The following GABRB1 variants were observed in gnomAD, a reference collection of about 807,000 sequenced individuals.
GABRB1 encodes gamma-aminobutyric acid receptor subunit beta-1.
Under a neutral mutation model 51.6 loss-of-function variants are expected in GABRB1, and 17 were observed. The ratio of observed to expected loss-of-function variants is 0.33; its 90% confidence interval spans 0.23 to 0.49. The LOEUF (loss-of-function observed/expected upper bound fraction) is 0.49. Ranked by LOEUF, GABRB1 falls within the 20% of genes least tolerant of loss-of-function variation. The pLI, the probability that GABRB1 is intolerant of heterozygous loss-of-function variation, is 0.99. For missense variants in GABRB1, 410 were observed against 600.6 expected (o/e 0.68, Z 3.32); for synonymous variants, 247 against 218.9 (o/e 1.13, Z -1.14).
intron 3 of GABRB1, among the ~76,000 whole-genome samples, chr4:47,153,212 A>G (rs570352529): frequency 6.6e-6 from 1 of 152,148 alleles, no homozygotes; most frequent in South Asian, 2.1e-4. Flanking sequence ...GCATAATACA[A>G]TCGTTTAAAT....
intron 5 of GABRB1, among the ~76,000 whole-genome samples, chr4:47,349,790 C>T (rs897028952): frequency 4.6e-5 from 7 of 152,168 alleles, no homozygotes; most frequent in Non-Finnish European, 7.4e-5. Flanking sequence ...TAGTCAAGTT[C>T]AAAATGGAAT....
chr4:47,292,331 C>A (rs1290634752), intron 4 of GABRB1, among the ~76,000 whole-genome samples: 1 of 152,154 alleles, frequency 6.6e-6, no homozygotes, highest in Admixed American at 6.5e-5. Flanking sequence ...ATTGCCCAGT[C>A]TTGGGTATGT....
At chr4:47,302,531 C>T (rs1264540611) in intron 4 of GABRB1, among the ~76,000 whole-genome samples, 1 of 151,646 alleles carries the variant, frequency 6.6e-6, no homozygotes, top group Non-Finnish European at 1.5e-5. Flanking sequence ...TTCAAGAATC[C>T]TTTGCTGTGA....
chr4:47,262,261 A>G, intron 4 of GABRB1, among the ~76,000 whole-genome samples: 1 of 152,200 alleles, frequency 6.6e-6, no homozygotes, highest in South Asian at 2.1e-4. Flanking sequence ...CAGGCAACCT[A>G]TAAAATGGGA....
At chr4:47,215,222 T>C (rs1281267302) in intron 4 of GABRB1, among the ~76,000 whole-genome samples, 2 of 152,134 alleles carry the variant, frequency 1.3e-5, no homozygotes, top group Non-Finnish European at 2.9e-5. Context: ...GTCCAGTCTC[T>C]GATGAAGGTG....
chr4:47,173,201 G>T (rs1391492492), intron 4 of GABRB1, among the ~76,000 whole-genome samples: 1 of 152,216 alleles, frequency 6.6e-6, no homozygotes, highest in East Asian at 1.9e-4. Flanking sequence ...AACACCAAAG[G>T]ATTATTGAAG....
intron 8 of GABRB1, among the ~76,000 whole-genome samples, chr4:47,415,609 C>G (rs1052046123): frequency 8.5e-5 from 13 of 152,078 alleles, no homozygotes; most frequent in African/African-American, 2.9e-4. Flanking sequence ...CTAGAAGATG[C>G]AATTAGGCAT....
intron 4 of GABRB1, among the ~76,000 whole-genome samples, chr4:47,248,886 A>T (rs1417202898): frequency 6.6e-6 from 1 of 151,300 alleles, no homozygotes; most frequent in East Asian, 1.9e-4. Flanking sequence ...GGTTATTTGG[A>T]TTTTCTCTCT....
At chr4:47,301,504 C>G (rs903056713) in intron 4 of GABRB1, among the ~76,000 whole-genome samples, 5 of 151,630 alleles carry the variant, frequency 3.3e-5, no homozygotes, top group African/African-American at 1.2e-4. Context: ...CATGGTGGTG[C>G]GTGCCTGTAG....
At chr4:47,031,170 C>G (rs1425355829), upstream of GABRB1, among the ~76,000 whole-genome samples, 1 of 152,188 alleles carries the variant, frequency 6.6e-6, no homozygotes, top group East Asian at 1.9e-4. Flanking sequence ...CCCCGCTGAT[C>G]ACATCCTCCC....
chr4:47,128,596 T>G (rs2109667222), intron 3 of GABRB1, among the ~76,000 whole-genome samples: 1 of 152,144 alleles, frequency 6.6e-6, no homozygotes, highest in East Asian at 1.9e-4. Flanking sequence ...CAAATATAAC[T>G]TAGAGTATAG....
intron 3 of GABRB1, among the ~76,000 whole-genome samples, chr4:47,045,195 G>T (rs954858122): frequency 6.6e-6 from 1 of 151,924 alleles, no homozygotes; most frequent in Non-Finnish European, 1.5e-5. Context: ...ATGAAAATGG[G>T]CACTATTAAT....
chr4:47,288,819 G>A (rs1421018204), intron 4 of GABRB1, among the ~76,000 whole-genome samples: 1 of 152,168 alleles, frequency 6.6e-6, no homozygotes. Flanking sequence ...CAGGTAACTT[G>A]CCCAACGTCA....
At chr4:47,068,223 G>A (rs1727167869) in intron 3 of GABRB1, among the ~76,000 whole-genome samples, 1 of 152,334 alleles carries the variant, frequency 6.6e-6, no homozygotes, top group African/African-American at 2.4e-5. Context: ...TTGGCTTAAA[G>A]TAATGTTGTG....
At chr4:47,194,208 T>G (rs766712076) in intron 4 of GABRB1, among the ~76,000 whole-genome samples, 16 of 152,212 alleles carry the variant, frequency 1.1e-4, no homozygotes, top group Non-Finnish European at 2.4e-4. Context: ...TTGACGTCAT[T>G]TTGTCAGATG....
intron 1 of GABRB1, among the ~76,000 whole-genome samples, chr4:47,007,177 AC>A (rs1167543720): frequency 1.3e-5 from 2 of 152,090 alleles, no homozygotes; most frequent in African/African-American, 4.8e-5. Context: ...AAGTACATAA[AC>A]TTTAAATGTA....
At chr4:47,115,659 GA>G (rs1345119889) in intron 3 of GABRB1, among the ~76,000 whole-genome samples, 11 of 151,422 alleles carry the variant, frequency 7.3e-5, no homozygotes, top group Admixed American at 4.6e-4. Context: ...TTAATACATT[GA>G]AAAAAAGTGC....
chr4:47,162,448 A>G (rs1718002505), intron 4 of GABRB1, among the ~76,000 whole-genome samples: 1 of 152,050 alleles, frequency 6.6e-6, no homozygotes, highest in South Asian at 2.1e-4. Flanking sequence ...GTTTAAAAAA[A>G]AAGAGCAACT....
At chr4:47,120,051 A>T (rs1333117895) in intron 3 of GABRB1, among the ~76,000 whole-genome samples, 1 of 152,188 alleles carries the variant, frequency 6.6e-6, no homozygotes, top group Non-Finnish European at 1.5e-5. Context: ...GAAAAACTGG[A>T]TAAACAAAAA....
Sources: allele counts gnomAD v4.1 joint callset (sites outside exome capture counted in the v4.1 genomes callset), GRCh38; gene constraint gnomAD v4.1.1; transcripts MANE v1.5; gene names NCBI Gene and HGNC (gene_info 2026-07-23, HGNC 2026-07-21).